JAK2: variants seen among roughly 807,000 people sequenced by gnomAD.
JAK2 encodes the protein tyrosine-protein kinase JAK2.
JAK2 carries 86 observed loss-of-function variants against 139.3 expected under a neutral mutation model. That is an observed-to-expected ratio of 0.62 (90% confidence interval 0.52 to 0.74). JAK2 has a LOEUF of 0.74. Among genes scored for constraint, JAK2 ranks in the 30% least tolerant of loss-of-function variants. The probability of loss-of-function intolerance (pLI) is 0.00; values close to 1 mark genes in which losing one functional copy is unlikely to be tolerated. For synonymous variants in JAK2, 490 were observed against 437.7 expected (o/e 1.12, Z -1.49); for missense variants, 1,421 against 1,360.3 (o/e 1.04, Z -0.70).
At position 5,129,281 on chromosome 9, in the gene JAK2, AAT is replaced by A. The variant is rs1330505314; in HGVS notation, c.*2493_*2494del. Among the ~76,000 whole-genome samples the A allele has an allele frequency of 3.9e-5, 6 of 152,184 alleles. No individual in the cohort carries two copies. Among genetic ancestry groups the A allele is most frequent in the African/African-American group, 1.2e-4 (5 of 41,554 alleles). On this transcript the variant is annotated 3_prime_UTR_variant, in exon 25 of 25. Coordinates refer to ENST00000381652, the MANE Select transcript of JAK2 (RefSeq NM_004972.4). The stretch of plus-strand genomic sequence containing the variant: ...CCTAAATTGAAATAGTGATGTAGTA[AAT>A]ATTCAGAAGCGATTTTCTTTTGCAT...
Position 5,081,830 on chromosome 9 carries a change from G to T in JAK2, c.2540G>T (p.Arg847Ile). 1 of 1,613,584 alleles carries T rather than the reference G, an allele frequency of 6.2e-7. No homozygotes were observed. The highest frequency in any genetic ancestry group is 8.5e-7 in the Non-Finnish European group (1 of 1,179,624). The change falls in exon 19 of 25, where the codon AGA (arginine) becomes ATA (isoleucine). Residue 847 changes from arginine to isoleucine, a missense_variant. Physicochemically the swap from Arg to Ile is moderately conservative, Grantham distance 97. Transcript: ENST00000381652. ...EDRDPTQFEE[R>I]HLKFLQQLGK... ...CGGGATCCTACACAGTTTGAAGAGA[G>T]ACATTTGAAATTTCTACAGCAACTT...
intron 4 of JAK2, chr9:5,041,143 G>T: frequency 9.3e-7 from 1 of 1,077,286 alleles, no homozygotes; most frequent in Non-Finnish European, 1.4e-6. Context: ...TCGCCATCCG[G>T]CTGATCACGC....
intron 22 of JAK2, chr9:5,108,308 AATTATT>A (rs1473090903): frequency 6.6e-6 from 1 of 151,956 alleles, no homozygotes; most frequent in Non-Finnish European, 1.5e-5. Context: ...TTCCTACCCT[AATTATT>A]ATTATCACCC....
intron 22 of JAK2, among the ~76,000 whole-genome samples, chr9:5,121,794 C>A (rs1586839964): frequency 1.3e-5 from 2 of 151,644 alleles, no homozygotes; most frequent in East Asian, 3.9e-4. Flanking sequence ...TTGTATTTAC[C>A]CTTACATAAG....
At chr9:5,062,689 A>G (rs995106387) in intron 8 of JAK2, among the ~76,000 whole-genome samples, 3 of 152,040 alleles carry the variant, frequency 2.0e-5, no homozygotes, top group South Asian at 2.1e-4. Flanking sequence ...GGTGTTTCCA[A>G]TGTATCTGTA....
At chr9:5,024,116 T>G (rs1822620671) in intron 3 of JAK2, among the ~76,000 whole-genome samples, 1 of 151,890 alleles carries the variant, frequency 6.6e-6, no homozygotes, top group South Asian at 2.1e-4. Flanking sequence ...ATTAGCCAGG[T>G]GTGGTGGTGG....
At position 5,126,332 on chromosome 9, in the gene JAK2, G is replaced by A; in HGVS notation, c.3178-1G>A. ...AAATATTGAAAGTGGGTTTGTTTTAGGAATTTATGCGTATGATTGGCAATG... is the reference window on the plus strand; with the variant it reads ...AAATATTGAAAGTGGGTTTGTTTTAAGAATTTATGCGTATGATTGGCAATG... On this transcript the variant is annotated splice_acceptor_variant, in intron 23 of 24. Coordinates refer to ENST00000381652, the MANE Select transcript of JAK2 (RefSeq NM_004972.4). LOFTEE classifies it high-confidence loss of function. The A allele has an allele frequency of 6.3e-7, 1 of 1,589,256 alleles. No individual in the cohort carries two copies. Among genetic ancestry groups the A allele is most frequent in the Non-Finnish European group, 8.6e-7 (1 of 1,165,796 alleles).
rs538679236 is a variant in JAK2, at chr9:5,093,271, T to C, written c.3059+2360T>C. ...AAAGTAAAAGGAACTCGGCAAATCTTACCCCACCTGTTTACCAAAAACATC... is the reference window on the plus strand; with the variant it reads ...AAAGTAAAAGGAACTCGGCAAATCTCACCCCACCTGTTTACCAAAAACATC... On this transcript the variant is annotated intron_variant, in intron 22 of 24. Transcript: ENST00000381652. Among the ~76,000 whole-genome samples, 6 of 152,272 alleles carry C rather than the reference T, an allele frequency of 3.9e-5. No individual in the cohort carries two copies. The South Asian group carries it at 1.2e-3, about 32-fold the overall frequency.
intron 8 of JAK2, among the ~76,000 whole-genome samples, chr9:5,059,326 C>A (rs949662813): frequency 3.9e-5 from 6 of 152,088 alleles, no homozygotes; most frequent in African/African-American, 1.4e-4. Flanking sequence ...TGTATGTATT[C>A]TTTTAAAATC....
intron 8 of JAK2, among the ~76,000 whole-genome samples, chr9:5,063,858 T>C (rs1818359949): frequency 6.6e-6 from 1 of 152,210 alleles, no homozygotes; most frequent in South Asian, 2.1e-4. Context: ...TGTTCACATA[T>C]GTATTAAGAT....
chr9:4,985,467 G>T lies in JAK2; in HGVS notation c.-272G>T. 1 of 152,624 alleles carries T rather than the reference G, an allele frequency of 6.6e-6. No homozygotes were observed. The highest frequency in any genetic ancestry group is 1.5e-5 in the Non-Finnish European group (1 of 68,260). The allele number at this position is 152,624 out of a possible 1,614,324, so 9.5% of individuals were successfully genotyped here. ...AGAGGCCTGGTCCTCGCTGCCGAGG[G>T]ATGTGAGTGGGAGCTGAGCCCACAC... On this transcript the variant is annotated 5_prime_UTR_variant, in exon 1 of 25. Coordinates refer to ENST00000381652, the MANE Select transcript of JAK2 (RefSeq NM_004972.4).
At chr9:5,123,267 A>T in intron 23 of JAK2, 146 bp downstream of exon 23, 1 of 536,152 alleles carries the variant, frequency 1.9e-6, no homozygotes, top group Non-Finnish European at 3.4e-6. Flanking sequence ...CCTTAATAAC[A>T]TACATTGTAT....
rs1205191609 is a variant in JAK2 at position 5,095,862 on chromosome 9, TACC to T, written c.3059+4954_3059+4956del. On this transcript the variant is annotated intron_variant, in intron 22 of 24. Transcript: ENST00000381652. ...TGATTGTTTACCTTATTTTAACAAC[TACC>T]ACATTTCTAGCACTTAGCCTAAGTA... Among the ~76,000 whole-genome samples the T allele has an allele frequency of 4.6e-5, 7 of 152,194 alleles. No homozygotes were observed. The South Asian group carries it at 1.2e-3, about 27-fold the overall frequency.
chr9:5,110,961 C>T, intron 22 of JAK2: 1 of 601,218 alleles, frequency 1.7e-6, no homozygotes, highest in Non-Finnish European at 3.1e-6. Context: ...ACAAGGAGCT[C>T]AGTAACCTGG....
At chr9:5,109,806 C>G (rs1822289172) in intron 22 of JAK2, 1 of 152,166 alleles carries the variant, frequency 6.6e-6, no homozygotes, top group Admixed American at 6.5e-5. Context: ...AACTCAGACC[C>G]TAACATTAAT....
intron 2 of JAK2, among the ~76,000 whole-genome samples, chr9:4,993,957 T>C (rs914939122): frequency 2.6e-5 from 4 of 152,184 alleles, no homozygotes; most frequent in South Asian, 4.1e-4. Flanking sequence ...TGATCATGTA[T>C]GGATGAGTGT....
intron 22 of JAK2, among the ~76,000 whole-genome samples, chr9:5,118,179 T>C (rs886710832): frequency 6.6e-6 from 1 of 152,088 alleles, no homozygotes; most frequent in African/African-American, 2.4e-5. Context: ...AAATAAATAG[T>C]GCAGCAATTT....
intron 4 of JAK2, chr9:5,041,153 C>T (rs906629126): frequency 3.6e-5 from 41 of 1,148,652 alleles, no homozygotes; most frequent in Non-Finnish European, 4.6e-5. Flanking sequence ...GCTGATCACG[C>T]GCATGGATTA....
chr9:5,060,826 T>C (rs1007642503), intron 8 of JAK2, among the ~76,000 whole-genome samples: 3 of 152,232 alleles, frequency 2.0e-5, no homozygotes, highest in African/African-American at 7.2e-5. Context: ...CCCAGCTCCA[T>C]CAGATGAATC....
Sources: gnomAD v4.1 joint callset for allele counts (sites outside exome capture counted in the v4.1 genomes callset) on GRCh38, gnomAD v4.1.1 for gene constraint, MANE v1.5 for transcripts, NCBI Gene and HGNC (gene_info 2026-07-23, HGNC 2026-07-21) for gene names.